The following SGCG variants were observed in gnomAD, a reference collection of about 807,000 sequenced individuals.
The protein encoded by SGCG is gamma-sarcoglycan.
A neutral mutation model predicts 29.3 loss-of-function variants in SGCG; 26 were observed. The observed-to-expected ratio is 0.89, with a 90% CI of 0.65 to 1.23. SGCG has a LOEUF of 1.23. Among genes scored for constraint, SGCG ranks in the 50% most tolerant of loss-of-function variants. The probability of loss-of-function intolerance (pLI) is 0.00; values close to 1 mark genes in which losing one functional copy is unlikely to be tolerated. For synonymous variants in SGCG, 145 were observed against 129.7 expected (o/e 1.12, Z -0.80); for missense variants, 353 against 356.0 (o/e 0.99, Z 0.07).
intron 3 of SGCG, among the ~76,000 whole-genome samples, chr13:23,239,985 T>C (rs1208472388): frequency 6.6e-6 from 1 of 152,136 alleles, no homozygotes; most frequent in Non-Finnish European, 1.5e-5. Flanking sequence ...ACATTAAATA[T>C]AAATGGTCAA....
At chr13:23,240,197 T>C (rs887431742) in intron 3 of SGCG, among the ~76,000 whole-genome samples, 12 of 152,174 alleles carry the variant, frequency 7.9e-5, no homozygotes, top group African/African-American at 2.9e-4. Context: ...ACAAAGTAGA[T>C]TTCACAGCAA....
chr13:23,263,361 C>A (rs1232922219), intron 4 of SGCG, among the ~76,000 whole-genome samples: 2 of 151,994 alleles, frequency 1.3e-5, no homozygotes, highest in Admixed American at 6.6e-5. Context: ...TCTGTGCACA[C>A]AAACTAGAAA....
chr13:23,320,612 TTTG>T lies in SGCG; in HGVS notation c.579-23_579-21del, dbSNP rs748325449. The T allele has an allele frequency of 7.4e-3, 10,377 of 1,394,202 alleles. 31 individuals carry two copies. Among genetic ancestry groups the T allele is most frequent in the East Asian group, 0.011 (414 of 36,132 alleles). 86.4% of individuals were successfully genotyped at this position (1,394,202 alleles called of 1,614,324 possible). On this transcript the variant is annotated intron_variant, in intron 6 of 7. Transcript: ENST00000218867. ...ATTTTTAATACTTTTTTTTTTTTTT[TTTG>T]TGCTTCTTTTCCTCATCTCAGATTA...
intron 2 of SGCG, among the ~76,000 whole-genome samples, chr13:23,233,371 CAT>C (rs1566010420): frequency 6.6e-6 from 1 of 152,150 alleles, no homozygotes; most frequent in Admixed American, 6.5e-5. Context: ...TAATCAAATT[CAT>C]AGAGACAGAA....
intron 6 of SGCG, among the ~76,000 whole-genome samples, chr13:23,299,544 C>A (rs1213644400): frequency 6.8e-6 from 1 of 147,642 alleles, no homozygotes; most frequent in African/African-American, 2.5e-5. Context: ...GCTCCACCTC[C>A]CAGGTTCACA....
At chr13:23,216,670 G>T (rs1001175300) in intron 2 of SGCG, among the ~76,000 whole-genome samples, 1 of 152,102 alleles carries the variant, frequency 6.6e-6, no homozygotes, top group Non-Finnish European at 1.5e-5. Context: ...TCCAAAATTT[G>T]CTGAGAGGTA....
chr13:23,219,016 A>C (rs746045713), intron 2 of SGCG, among the ~76,000 whole-genome samples: 16 of 149,368 alleles, frequency 1.1e-4, no homozygotes, highest in Non-Finnish European at 2.1e-4. Flanking sequence ...CAAATACTAC[A>C]TATATAATAT....
chr13:23,276,209 T>C (rs868136831), intron 4 of SGCG, among the ~76,000 whole-genome samples: 5 of 151,966 alleles, frequency 3.3e-5, no homozygotes, highest in African/African-American at 1.2e-4. Context: ...AGAATATTAA[T>C]AAAAGTTAGA....
chr13:23,214,875 A>G lies in SGCG; in HGVS notation c.195+10986A>G, dbSNP rs549924253. ...GCTTTCCAGTCCAAAAATCATTAGA[A>G]GACAAGATATTATTAGGACTGAGTT... On this transcript the variant is annotated intron_variant, in intron 2 of 7. Coordinates refer to ENST00000218867, the MANE Select transcript of SGCG (RefSeq NM_000231.3). Among the ~76,000 whole-genome samples, 4 of 152,346 alleles carry G rather than the reference A, an allele frequency of 2.6e-5. No individual in the cohort carries two copies. In the East Asian group the frequency reaches 7.7e-4, roughly 29 times the overall value.
At chr13:23,180,611 AC>A (rs1876695529), upstream of SGCG, among the ~76,000 whole-genome samples, 1 of 152,234 alleles carries the variant, frequency 6.6e-6, no homozygotes, top group African/African-American at 2.4e-5. Flanking sequence ...AATTTTATCA[AC>A]ATTAGTTTCT....
chr13:23,170,323 C>G, the SGCG span, among the ~76,000 whole-genome samples: 472 of 152,216 alleles, frequency 3.1e-3, no homozygotes, highest in Middle Eastern at 6.8e-3. Flanking sequence ...CCTATGAAAA[C>G]AAATGGACTT....
At chr13:23,219,045 T>A (rs1263820536) in intron 2 of SGCG, among the ~76,000 whole-genome samples, 2 of 148,730 alleles carry the variant, frequency 1.3e-5, no homozygotes, top group Admixed American at 6.7e-5. Flanking sequence ...TATATATTTT[T>A]ATGGGTTGTT....
chr13:23,182,663 A>G (rs1876788177), intron 1 of SGCG, among the ~76,000 whole-genome samples: 1 of 152,222 alleles, frequency 6.6e-6, no homozygotes, highest in South Asian at 2.1e-4. Context: ...GAACACTGGT[A>G]CAGGAGTATT....
intron 6 of SGCG, among the ~76,000 whole-genome samples, chr13:23,312,074 G>A (rs1172183227): frequency 6.6e-6 from 1 of 152,142 alleles, no homozygotes; most frequent in Non-Finnish European, 1.5e-5. Flanking sequence ...CTGTGTCTCT[G>A]CGGACTCTAG....
chr13:23,199,377 T>C (rs1202040751), intron 1 of SGCG, among the ~76,000 whole-genome samples: 1 of 152,232 alleles, frequency 6.6e-6, no homozygotes, highest in Non-Finnish European at 1.5e-5. Context: ...CTTGCTGACA[T>C]GAATACCACT....
Position 23,240,668 on chromosome 13 carries a change from A to C in SGCG, c.297+5956A>C, listed in dbSNP as rs75398377. On this transcript the variant is annotated intron_variant, in intron 3 of 7. Transcript: ENST00000218867. Reference sequence around the variant, plus strand: ...GACAACTATAACATAAATATATCTGAAAATTTTTTGAATAACTGGAAATTA... The same window carrying C: ...GACAACTATAACATAAATATATCTGCAAATTTTTTGAATAACTGGAAATTA... Among the ~76,000 whole-genome samples the C allele has an allele frequency of 5.7e-3, 862 of 151,696 alleles. 8 individuals are homozygous for C. The highest frequency in any genetic ancestry group is 0.019 in the African/African-American group (783 of 41,336).
At chr13:23,262,385 C>T (rs1266545009) in intron 4 of SGCG, among the ~76,000 whole-genome samples, 2 of 151,728 alleles carry the variant, frequency 1.3e-5, no homozygotes, top group Admixed American at 6.6e-5. Flanking sequence ...GACTTGAAAG[C>T]AACAATGTAA....
intron 6 of SGCG, among the ~76,000 whole-genome samples, chr13:23,304,951 G>A (rs528630199): frequency 3.9e-5 from 6 of 152,130 alleles, no homozygotes; most frequent in African/African-American, 7.2e-5. Flanking sequence ...GCACACATGC[G>A]TGCACGTGCT....
chr13:23,188,480 A>ATT (rs71218545), intron 1 of SGCG, among the ~76,000 whole-genome samples: 15,260 of 119,898 alleles, frequency 0.13, 1,362 homozygotes, highest in Non-Finnish European at 0.15. Context: ...CGCCTGCCTA[A>ATT]TTTTTTTTTT....
Sources: gnomAD v4.1 joint callset for allele counts (sites outside exome capture counted in the v4.1 genomes callset) on GRCh38, gnomAD v4.1.1 for gene constraint, MANE v1.5 for transcripts, NCBI Gene and HGNC (gene_info 2026-07-23, HGNC 2026-07-21) for gene names.